PTPRD: variants seen among roughly 807,000 people sequenced by gnomAD.
PTPRD encodes protein tyrosine phosphatase receptor type D.
Under a neutral mutation model 214.5 loss-of-function variants are expected in PTPRD, and 34 were observed. The ratio of observed to expected loss-of-function variants is 0.16; its 90% CI spans 0.12 to 0.21. PTPRD has a LOEUF of 0.21. Among genes scored for constraint, PTPRD ranks in the 10% least tolerant of loss-of-function variants. The pLI is 1.00. For synonymous variants in PTPRD, 1,128 were observed against 845.7 expected, an observed-to-expected ratio of 1.33 and a Z score of -5.79; for missense variants, 2,545 against 2,398.7, an observed-to-expected ratio of 1.06 and a Z score of -1.27.
intron 37 of PTPRD, among the ~76,000 whole-genome samples, chr9:8,388,970 CTGTGAATATT>C (rs2088346503): frequency 6.8e-6 from 1 of 148,024 alleles, no homozygotes; most frequent in Non-Finnish European, 1.5e-5. Flanking sequence ...TTGTCTATTC[CTGTGAATATT>C]CCTTTTTTTT....
intron 12 of PTPRD, among the ~76,000 whole-genome samples, chr9:8,646,992 T>C (rs1239092246): frequency 6.6e-6 from 1 of 152,226 alleles, no homozygotes; most frequent in African/African-American, 2.4e-5. Context: ...GCGAATTAGC[T>C]ATGGAATACA....
chr9:9,462,133 A>G (rs1006746671), intron 8 of PTPRD, among the ~76,000 whole-genome samples: 1 of 152,150 alleles, frequency 6.6e-6, no homozygotes, highest in African/African-American at 2.4e-5. Context: ...CTCACAATAA[A>G]TATCTGTTGA....
chr9:8,760,598 C>CTGTGTGTGTG (rs34488235), intron 11 of PTPRD, among the ~76,000 whole-genome samples: 41 of 145,096 alleles, frequency 2.8e-4, no homozygotes, highest in African/African-American at 1.0e-3. Flanking sequence ...CTCTCTCTGT[C>CTGTGTGTGTG]TGTGTGTGTG....
At chr9:9,605,959 T>A (rs1592826865) in intron 7 of PTPRD, among the ~76,000 whole-genome samples, 2 of 152,066 alleles carry the variant, frequency 1.3e-5, no homozygotes, top group Non-Finnish European at 2.9e-5. Context: ...GGTTCGGCTG[T>A]CATTTAAATA....
intron 7 of PTPRD, among the ~76,000 whole-genome samples, chr9:9,602,624 C>A (rs192136508): frequency 4.9e-4 from 74 of 152,068 alleles, no homozygotes; most frequent in African/African-American, 1.8e-3. Context: ...TAATACGTAC[C>A]TATCTTTTTT....
intron 7 of PTPRD, among the ~76,000 whole-genome samples, chr9:9,670,689 A>T (rs1317643702): frequency 1.3e-5 from 2 of 152,168 alleles, no homozygotes; most frequent in East Asian, 3.9e-4. Context: ...GAAAGTGGCC[A>T]ACATAGAGCT....
chr9:10,090,962 G>GCACACA (rs1567625148), intron 3 of PTPRD, among the ~76,000 whole-genome samples: 37 of 92,482 alleles, frequency 4.0e-4, no homozygotes, highest in African/African-American at 1.3e-3. Context: ...ACACACACAT[G>GCACACA]CATGTGGTAG....
At chr9:8,575,017 C>T (rs556957156) in intron 14 of PTPRD, among the ~76,000 whole-genome samples, 2 of 152,212 alleles carry the variant, frequency 1.3e-5, no homozygotes, top group African/African-American at 2.4e-5. Flanking sequence ...ATTTGGTCAT[C>T]TATTTCATTA....
chr9:9,941,441 G>C (rs1451759474), intron 4 of PTPRD, among the ~76,000 whole-genome samples: 1 of 152,158 alleles, frequency 6.6e-6, no homozygotes, highest in Non-Finnish European at 1.5e-5. Context: ...TCCTGCCTAA[G>C]CCTCCCAAGT....
At chr9:9,699,739 A>T (rs57695653) in intron 7 of PTPRD, among the ~76,000 whole-genome samples, 125 of 152,332 alleles carry the variant, frequency 8.2e-4, no homozygotes, top group African/African-American at 2.6e-3. Context: ...AAGTTTTAGT[A>T]GTTGAAAATT....
intron 2 of PTPRD, among the ~76,000 whole-genome samples, chr9:10,535,687 T>C (rs780760539): frequency 5.3e-5 from 8 of 152,056 alleles, no homozygotes; most frequent in Non-Finnish European, 1.2e-4. Context: ...TATAATATAT[T>C]TGACTTTACT....
At chr9:9,791,028 G>T (rs886154466) in intron 5 of PTPRD, among the ~76,000 whole-genome samples, 5 of 152,088 alleles carry the variant, frequency 3.3e-5, no homozygotes, top group Admixed American at 2.6e-4. Context: ...AATGCACTGT[G>T]TTTTAACAGC....
intron 4 of PTPRD, among the ~76,000 whole-genome samples, chr9:10,027,001 T>C (rs771366217): frequency 4.5e-4 from 68 of 152,216 alleles, no homozygotes; most frequent in Non-Finnish European, 7.4e-4. Context: ...AACCAGAGAA[T>C]GTATTGTCTG....
At chr9:10,283,670 T>A (rs73641902) in intron 3 of PTPRD, among the ~76,000 whole-genome samples, 1,864 of 152,310 alleles carry the variant, frequency 0.012, 42 homozygotes, top group African/African-American at 0.042. Flanking sequence ...AAATTCTAAC[T>A]GTCTCTTTGG....
At chr9:10,178,790 T>C (rs1281609669) in intron 3 of PTPRD, among the ~76,000 whole-genome samples, 1 of 151,918 alleles carries the variant, frequency 6.6e-6, no homozygotes, top group African/African-American at 2.4e-5. Context: ...ACTCACTAGA[T>C]GTGAGGAGTA....
At chr9:8,380,913 T>G (rs2084864723) in intron 37 of PTPRD, among the ~76,000 whole-genome samples, 1 of 152,112 alleles carries the variant, frequency 6.6e-6, no homozygotes, top group African/African-American at 2.4e-5. Flanking sequence ...AAACAAAACC[T>G]CCTCATCTCA....
chr9:9,197,057 A>G (rs1173815540), intron 9 of PTPRD, among the ~76,000 whole-genome samples: 1 of 152,152 alleles, frequency 6.6e-6, no homozygotes, highest in Non-Finnish European at 1.5e-5. Flanking sequence ...AGCATCCCCC[A>G]ACTTAGTTAA....
At chr9:8,832,044 G>C (rs1046099297) in intron 11 of PTPRD, among the ~76,000 whole-genome samples, 3 of 151,982 alleles carry the variant, frequency 2.0e-5, no homozygotes, top group Non-Finnish European at 2.9e-5. Flanking sequence ...GCAACCTTCT[G>C]AGAGCTATAA....
chr9:8,367,067 G>T (rs978038866), intron 39 of PTPRD, among the ~76,000 whole-genome samples: 1 of 152,142 alleles, frequency 6.6e-6, no homozygotes, highest in Admixed American at 6.6e-5. Context: ...CTGGAGCCAA[G>T]CGTATGGTTT....
Sources: gnomAD v4.1 joint callset for allele counts (sites outside exome capture counted in the v4.1 genomes callset) on GRCh38, gnomAD v4.1.1 for gene constraint, MANE v1.5 for transcripts, NCBI Gene and HGNC (gene_info 2026-07-23, HGNC 2026-07-21) for gene names.